Variants in FRMD5 observed in about 807,000 individuals in gnomAD.
The protein encoded by FRMD5 is FERM domain-containing protein 5.
A neutral mutation model predicts 69.0 loss-of-function variants in FRMD5; 20 were observed. The ratio of observed to expected loss-of-function variants is 0.29; its 90% CI spans 0.20 to 0.42. FRMD5 has a LOEUF of 0.42. Ranked by LOEUF, FRMD5 falls within the 10% of genes least tolerant of loss-of-function variation. The pLI is 1.00. For synonymous variants in FRMD5, 271 were observed against 260.1 expected (o/e 1.04, Z -0.40); for missense variants, 595 against 708.6 (o/e 0.84, Z 1.82).
chr15:43,927,347 AG>A (rs2089602152), intron 1 of FRMD5, among the ~76,000 whole-genome samples: 1 of 152,146 alleles, frequency 6.6e-6, no homozygotes, highest in Non-Finnish European at 1.5e-5. Flanking sequence ...CTGAACTCGC[AG>A]GCCCTATTCC....
intron 1 of FRMD5, among the ~76,000 whole-genome samples, chr15:43,929,523 G>A (rs1030406868): frequency 2.4e-4 from 37 of 152,160 alleles, no homozygotes; most frequent in African/African-American, 8.7e-4. Context: ...CTTCCTCCTG[G>A]CTACATGCTA....
chr15:44,181,743 GA>G, intron 1 of FRMD5, among the ~76,000 whole-genome samples: 1 of 151,920 alleles, frequency 6.6e-6, no homozygotes, highest in Middle Eastern at 3.4e-3. Context: ...CTCTACAAAA[GA>G]AAATTTTAAA....
At chr15:43,961,587 C>T (rs138658582) in intron 1 of FRMD5, among the ~76,000 whole-genome samples, 39 of 152,230 alleles carry the variant, frequency 2.6e-4, no homozygotes, top group African/African-American at 3.4e-4. Flanking sequence ...CAAAGCCTGG[C>T]GGAGACACAA....
At chr15:43,967,554 T>G (rs2090314236) in intron 1 of FRMD5, among the ~76,000 whole-genome samples, 2 of 152,110 alleles carry the variant, frequency 1.3e-5, no homozygotes, top group African/African-American at 4.8e-5. Context: ...ATTAATTCAT[T>G]TATCTGCATA....
intron 4 of FRMD5, among the ~76,000 whole-genome samples, chr15:43,913,002 C>T (rs1285140225): frequency 6.8e-6 from 1 of 146,716 alleles, no homozygotes; most frequent in Admixed American, 6.9e-5. Context: ...CACTGCACTT[C>T]AGCCTGGCTG....
At chr15:44,169,950 A>G (rs2077772108) in intron 1 of FRMD5, among the ~76,000 whole-genome samples, 1 of 152,238 alleles carries the variant, frequency 6.6e-6, no homozygotes. Flanking sequence ...GCCTGTGTAT[A>G]GAACTACTAC....
intron 1 of FRMD5, among the ~76,000 whole-genome samples, chr15:43,962,511 C>T (rs2090219065): frequency 6.6e-6 from 1 of 152,176 alleles, no homozygotes; most frequent in African/African-American, 2.4e-5. Context: ...ATGCCATCCC[C>T]ATCAAGCTAC....
intron 1 of FRMD5, among the ~76,000 whole-genome samples, chr15:43,978,329 C>T (rs1179280402): frequency 6.6e-6 from 1 of 152,166 alleles, no homozygotes; most frequent in African/African-American, 2.4e-5. Context: ...AAAAGACTGA[C>T]CCTACCAAGT....
intron 1 of FRMD5, among the ~76,000 whole-genome samples, chr15:44,025,989 G>A (rs1891412454): frequency 6.6e-6 from 1 of 151,898 alleles, no homozygotes; most frequent in African/African-American, 2.4e-5. Context: ...TTTTGGTGGG[G>A]CAGGGTGGGG....
At chr15:44,018,521 G>A (rs1891068957) in intron 1 of FRMD5, among the ~76,000 whole-genome samples, 1 of 152,096 alleles carries the variant, frequency 6.6e-6, no homozygotes, top group South Asian at 2.1e-4. Flanking sequence ...ATCACTTTGG[G>A]GGCATAATCA....
intron 1 of FRMD5, among the ~76,000 whole-genome samples, chr15:43,952,712 A>G (rs368677806): frequency 1.3e-4 from 20 of 152,364 alleles, no homozygotes; most frequent in African/African-American, 4.1e-4. Context: ...TCAAAGGGGC[A>G]TGTGTGGCCA....
At chr15:44,143,506 T>C (rs1259097479) in intron 1 of FRMD5, among the ~76,000 whole-genome samples, 1 of 152,002 alleles carries the variant, frequency 6.6e-6, no homozygotes. Context: ...ATTTTGCTAC[T>C]TAAGGCATCT....
At chr15:43,969,125 T>C (rs1422652709) in intron 1 of FRMD5, among the ~76,000 whole-genome samples, 2 of 151,716 alleles carry the variant, frequency 1.3e-5, no homozygotes, top group African/African-American at 4.8e-5. Flanking sequence ...TCTTGCTCTG[T>C]CATCCAGGCT....
At chr15:44,118,141 T>A (rs1164227865) in intron 1 of FRMD5, among the ~76,000 whole-genome samples, 1 of 151,984 alleles carries the variant, frequency 6.6e-6, no homozygotes, top group Admixed American at 6.6e-5. Flanking sequence ...GAGGAAGAAA[T>A]TAAGGAAGTA....
chr15:43,975,563 C>T (rs972836316), intron 1 of FRMD5, among the ~76,000 whole-genome samples: 1 of 152,052 alleles, frequency 6.6e-6, no homozygotes, highest in Non-Finnish European at 1.5e-5. Context: ...AAGTGATTAG[C>T]AAATATTTAA....
chr15:43,923,652 T>C (rs2089534609), intron 2 of FRMD5, among the ~76,000 whole-genome samples: 2 of 152,214 alleles, frequency 1.3e-5, no homozygotes, highest in South Asian at 4.1e-4. Flanking sequence ...CCTGAGATGA[T>C]GGACTTGTTC....
At chr15:44,014,352 G>A (rs1228714147) in intron 1 of FRMD5, among the ~76,000 whole-genome samples, 2 of 152,146 alleles carry the variant, frequency 1.3e-5, no homozygotes, top group Non-Finnish European at 2.9e-5. Flanking sequence ...CAAACTTTCT[G>A]GGTTCAAGTC....
chr15:43,889,400 G>C (rs560948013), intron 8 of FRMD5, among the ~76,000 whole-genome samples: 58 of 152,310 alleles, frequency 3.8e-4, no homozygotes, highest in African/African-American at 1.4e-3. Context: ...AGGGAGCGGG[G>C]CAGGGCAACA....
intron 1 of FRMD5, among the ~76,000 whole-genome samples, chr15:44,080,919 A>T (rs146262522): frequency 1.3e-5 from 2 of 152,228 alleles, no homozygotes. Flanking sequence ...GAGGTTTGCG[A>T]CTAGGCCATA....
Sources: gnomAD v4.1 joint callset for allele counts (sites outside exome capture counted in the v4.1 genomes callset) on GRCh38, gnomAD v4.1.1 for gene constraint, MANE v1.5 for transcripts, NCBI Gene and HGNC (gene_info 2026-07-23, HGNC 2026-07-21) for gene names.